Variants in POU2F1 observed in about 807,000 individuals in gnomAD.
POU2F1 encodes the protein POU domain, class 2, transcription factor 1.
In POU2F1, 16 loss-of-function variants were observed where a neutral mutation model predicts 84.9. That is an observed-to-expected ratio of 0.19 (90% confidence interval 0.13 to 0.29). POU2F1 has a LOEUF of 0.29. POU2F1 is among the 10% of genes least tolerant of loss of function. The pLI is 1.00. For missense variants in POU2F1, 738 were observed against 942.6 expected (o/e 0.78, Z 2.84); for synonymous variants, 368 against 368.3 (o/e 1.00, Z 0.01).
At chr1:167,264,832 C>G (rs1255401712) in intron 1 of POU2F1, among the ~76,000 whole-genome samples, 1 of 152,156 alleles carries the variant, frequency 6.6e-6, no homozygotes. Context: ...GAGCATGTCT[C>G]TCCTGCTCCA....
intron 1 of POU2F1, among the ~76,000 whole-genome samples, chr1:167,238,546 A>G (rs1189708302): frequency 1.3e-5 from 2 of 152,218 alleles, no homozygotes; most frequent in Non-Finnish European, 2.9e-5. Flanking sequence ...AAATTTCAGA[A>G]TGCCCCTGTA....
intron 8 of POU2F1, chr1:167,387,077 A>G (rs368973192): frequency 2.3e-6 from 1 of 439,430 alleles, no homozygotes. Context: ...AAAAAAGCCT[A>G]TACCAGAGAC....
chr1:167,289,178 A>AC (rs1653740817), intron 1 of POU2F1, among the ~76,000 whole-genome samples: 1 of 152,156 alleles, frequency 6.6e-6, no homozygotes, highest in Admixed American at 6.5e-5. Context: ...CTTTTTTTGA[A>AC]ATAGTTTCTT....
At chr1:167,306,570 G>C (rs750545873) in intron 1 of POU2F1, among the ~76,000 whole-genome samples, 1 of 152,054 alleles carries the variant, frequency 6.6e-6, no homozygotes, top group Admixed American at 6.6e-5. Flanking sequence ...AGAAAATTAA[G>C]GTTCAGATGT....
chr1:167,305,126 T>A (rs1231842345), intron 1 of POU2F1, among the ~76,000 whole-genome samples: 1 of 152,042 alleles, frequency 6.6e-6, no homozygotes, highest in African/African-American at 2.4e-5. Context: ...TCCTCAGGAA[T>A]CTCATTAAAT....
chr1:167,360,349 T>G (rs1258097899), intron 2 of POU2F1, among the ~76,000 whole-genome samples: 3 of 152,244 alleles, frequency 2.0e-5, no homozygotes, highest in Non-Finnish European at 1.5e-5. Context: ...ATGGAAGTAT[T>G]TAATCCATCT....
intron 1 of POU2F1, among the ~76,000 whole-genome samples, chr1:167,254,680 C>T (rs535135716): frequency 6.6e-6 from 1 of 152,142 alleles, no homozygotes; most frequent in Non-Finnish European, 1.5e-5. Flanking sequence ...GTTGAACTTA[C>T]AGGATAATGT....
rs137948707 is a variant in POU2F1, at chr1:167,291,796, A to G, written c.62-40674A>G. 4.1e-3 allele frequency among the ~76,000 whole-genome samples: 627 copies of G among 152,292 alleles called. 5 individuals carry two copies. The highest frequency in any genetic ancestry group is 0.015 in the African/African-American group (606 of 41,546). On this transcript the variant is annotated intron_variant, in intron 1 of 15. Transcript: ENST00000367866. Reference sequence around the variant, plus strand: ...GAAAATAATATCTATTTACTAGCATATTAAAGCTTAGCAAGAGAATTTTAA... The same window carrying G: ...GAAAATAATATCTATTTACTAGCATGTTAAAGCTTAGCAAGAGAATTTTAA...
At chr1:167,293,110 C>T (rs1282207857) in intron 1 of POU2F1, among the ~76,000 whole-genome samples, 13 of 152,068 alleles carry the variant, frequency 8.5e-5, no homozygotes, top group Non-Finnish European at 1.5e-5. Context: ...ACGACAATGC[C>T]CACTTTTACC....
At chr1:167,406,050 A>C (rs1649552382) in intron 13 of POU2F1, among the ~76,000 whole-genome samples, 1 of 142,026 alleles carries the variant, frequency 7.0e-6, no homozygotes, top group African/African-American at 2.4e-5. Context: ...ACCTAAGCTT[A>C]GATAAATAGC....
chr1:167,250,052 G>C (rs1650604345), intron 1 of POU2F1, among the ~76,000 whole-genome samples: 1 of 151,950 alleles, frequency 6.6e-6, no homozygotes, highest in South Asian at 2.1e-4. Flanking sequence ...AAAAGGAGCA[G>C]TATCTGTAGT....
chr1:167,325,298 A>AC (rs1231392615), intron 1 of POU2F1, among the ~76,000 whole-genome samples: 2 of 151,722 alleles, frequency 1.3e-5, no homozygotes, highest in African/African-American at 2.4e-5. Flanking sequence ...AGATGCAGAC[A>AC]CCCCCCATGA....
chr1:167,423,664 C>A lies in POU2F1; in HGVS notation c.*7854C>A, dbSNP rs1021398829. ...ACCCAGGGCCACCTTCTGGTTTAAACCCAGGACACTGTCAAAAAGTTAAGA... is the reference window on the plus strand; with the variant it reads ...ACCCAGGGCCACCTTCTGGTTTAAAACCAGGACACTGTCAAAAAGTTAAGA... On this transcript the variant is annotated 3_prime_UTR_variant, in exon 16 of 16. Transcript: ENST00000367866. The A allele has an allele frequency of 2.0e-5, 3 of 152,192 alleles. No homozygotes were observed. Among genetic ancestry groups the A allele is most frequent in the African/African-American group, 7.2e-5 (3 of 41,450 alleles). The allele number at this position is 152,192 out of a possible 1,614,324, so 9.4% of individuals were successfully genotyped here.
rs1365798280 is a variant in POU2F1 at position 167,370,219 on chromosome 1, G to A, written c.282+5G>A. On this transcript the variant is annotated splice_donor_5th_base_variant and intron_variant, in intron 4 of 15. Coordinates refer to ENST00000367866, the MANE Select transcript of POU2F1 (RefSeq NM_002697.4). ...GCTCAGTCTTTAAATGTACAGGTAA[G>A]CTGGGACCTGGGATTATGGGTCAAT... 6.3e-7 allele frequency: 1 copy of A among 1,592,302 alleles called. No homozygotes were observed. The highest frequency in any genetic ancestry group is 1.7e-5 in the Admixed American group (1 of 59,608).
intron 1 of POU2F1, among the ~76,000 whole-genome samples, chr1:167,279,758 G>T (rs185776699): frequency 7.2e-5 from 11 of 152,264 alleles, no homozygotes; most frequent in African/African-American, 2.6e-4. Context: ...ATATTGATGG[G>T]AGTTGGGTGG....
chr1:167,231,466 C>T (rs561237218), intron 1 of POU2F1, among the ~76,000 whole-genome samples: 4 of 152,160 alleles, frequency 2.6e-5, no homozygotes, highest in South Asian at 4.1e-4. Flanking sequence ...TATTAGAATG[C>T]GAATGAACAA....
chr1:167,237,746 G>GTATATA (rs58988722), intron 1 of POU2F1, among the ~76,000 whole-genome samples: 79 of 72,970 alleles, frequency 1.1e-3, no homozygotes, highest in African/African-American at 4.0e-3. Flanking sequence ...ATGTGTGTGT[G>GTATATA]TATATATATA....
intron 1 of POU2F1, among the ~76,000 whole-genome samples, chr1:167,280,899 A>T (rs1348080531): frequency 6.6e-6 from 1 of 152,226 alleles, no homozygotes; most frequent in Non-Finnish European, 1.5e-5. Flanking sequence ...ATAAAGTAGG[A>T]ACACACAGGA....
At chr1:167,375,436 A>G (rs1660255785) in intron 6 of POU2F1, among the ~76,000 whole-genome samples, 2 of 152,208 alleles carry the variant, frequency 1.3e-5, no homozygotes, top group Admixed American at 6.5e-5. Flanking sequence ...TTTGAAAATT[A>G]TAAAACAGTA....
Sources: gnomAD v4.1 joint callset for allele counts (sites outside exome capture counted in the v4.1 genomes callset) on GRCh38, gnomAD v4.1.1 for gene constraint, MANE v1.5 for transcripts, NCBI Gene and HGNC (gene_info 2026-07-23, HGNC 2026-07-21) for gene names.